The following PDE10A variants were observed in gnomAD, a reference collection of about 807,000 sequenced individuals.
PDE10A encodes phosphodiesterase 10A.
Under a neutral mutation model 97.7 loss-of-function variants are expected in PDE10A, and 39 were observed. The observed-to-expected ratio is 0.40, with a 90% CI of 0.31 to 0.52. The LOEUF (loss-of-function observed/expected upper bound fraction) is 0.52, where lower values mean the gene tolerates loss of function less well. Ranked by LOEUF, PDE10A falls within the 20% of genes least tolerant of loss-of-function variation. The pLI, the probability that PDE10A is intolerant of heterozygous loss-of-function variation, is 0.56. For missense variants in PDE10A, 731 were observed against 1,047.8 expected, an observed-to-expected ratio of 0.70 and a Z score of 4.17; for synonymous variants, 371 against 376.8, an observed-to-expected ratio of 0.98 and a Z score of 0.18.
intron 1 of PDE10A, among the ~76,000 whole-genome samples, chr6:165,618,551 A>G (rs758293530): frequency 6.6e-6 from 1 of 152,224 alleles, no homozygotes; most frequent in Non-Finnish European, 1.5e-5. Context: ...GTCACCATCC[A>G]GGAGCGGGAC....
intron 1 of PDE10A, among the ~76,000 whole-genome samples, chr6:165,627,219 G>T (rs1385388642): frequency 6.6e-6 from 1 of 152,208 alleles, no homozygotes; most frequent in African/African-American, 2.4e-5. Context: ...GTCTCACAAT[G>T]TAACATAATC....
intron 1 of PDE10A, among the ~76,000 whole-genome samples, chr6:165,700,283 T>C (rs779426362): frequency 6.6e-6 from 1 of 150,744 alleles, no homozygotes. Flanking sequence ...TGTGTAGGGA[T>C]GAGAGGAAGG....
At chr6:165,942,783 A>G (rs1783575254) in intron 1 of PDE10A, among the ~76,000 whole-genome samples, 1 of 152,172 alleles carries the variant, frequency 6.6e-6, no homozygotes, top group African/African-American at 2.4e-5. Flanking sequence ...AAGGCCCTCC[A>G]GGAGGAAAGC....
At chr6:165,805,860 C>T (rs9347090) in intron 1 of PDE10A, among the ~76,000 whole-genome samples, 64,199 of 151,058 alleles carry the variant, frequency 0.42, 14,396 homozygotes, top group Middle Eastern at 0.53. Flanking sequence ...GCTCTGGCCC[C>T]GTTCCTGGGA....
At chr6:165,856,917 C>G (rs1271763171) in intron 1 of PDE10A, among the ~76,000 whole-genome samples, 3 of 152,150 alleles carry the variant, frequency 2.0e-5, no homozygotes, top group African/African-American at 7.2e-5. Flanking sequence ...TCTGTTAACA[C>G]TCAAAAACTT....
At chr6:165,954,666 T>C (rs1026459463) in intron 1 of PDE10A, among the ~76,000 whole-genome samples, 1 of 152,130 alleles carries the variant, frequency 6.6e-6, no homozygotes, top group African/African-American at 2.4e-5. Context: ...TGCGCCTCAG[T>C]TGCAAGGCGG....
intron 1 of PDE10A, among the ~76,000 whole-genome samples, chr6:165,958,189 G>C (rs957235736): frequency 6.6e-6 from 1 of 152,124 alleles, no homozygotes; most frequent in African/African-American, 2.4e-5. Context: ...CTGTGAGCAG[G>C]ACCTTCTGAG....
chr6:165,680,177 T>C (rs1014126112), intron 1 of PDE10A, among the ~76,000 whole-genome samples: 2 of 152,090 alleles, frequency 1.3e-5, no homozygotes, highest in Non-Finnish European at 2.9e-5. Context: ...GAACTTAACA[T>C]CTAATTGGGA....
chr6:165,423,186 C>T (rs1361018355), intron 10 of PDE10A, among the ~76,000 whole-genome samples: 1 of 152,144 alleles, frequency 6.6e-6, no homozygotes, highest in Non-Finnish European at 1.5e-5. Context: ...GCCCCCATGT[C>T]CGCTAATTAT....
intron 3 of PDE10A, among the ~76,000 whole-genome samples, chr6:165,468,653 T>C (rs534206918): frequency 6.6e-6 from 1 of 152,354 alleles, no homozygotes; most frequent in South Asian, 2.1e-4. Flanking sequence ...ACTATTCTCA[T>C]GGAGTTTAAA....
At chr6:165,773,525 A>G (rs927013032) in intron 1 of PDE10A, among the ~76,000 whole-genome samples, 1 of 152,214 alleles carries the variant, frequency 6.6e-6, no homozygotes, top group African/African-American at 2.4e-5. Context: ...TTCTTTCCAC[A>G]AAACAAATTT....
intron 1 of PDE10A, among the ~76,000 whole-genome samples, chr6:165,956,948 C>T (rs1784151203): frequency 6.6e-6 from 1 of 152,202 alleles, no homozygotes; most frequent in African/African-American, 2.4e-5. Flanking sequence ...GTGGGGCCAG[C>T]CCAGGGGTTG....
At chr6:165,832,693 C>T (rs1473242537) in intron 1 of PDE10A, among the ~76,000 whole-genome samples, 1 of 152,210 alleles carries the variant, frequency 6.6e-6, no homozygotes, top group African/African-American at 2.4e-5. Context: ...GAAACAGGAA[C>T]AAAGTTTTAA....
intron 15 of PDE10A, among the ~76,000 whole-genome samples, chr6:165,393,254 T>C (rs1353689702): frequency 6.6e-6 from 1 of 152,152 alleles, no homozygotes; most frequent in African/African-American, 2.4e-5. Context: ...TTTTCTAGAG[T>C]TACTATACTT....
At chr6:165,572,304 T>A (rs1785086946) in intron 1 of PDE10A, among the ~76,000 whole-genome samples, 1 of 152,180 alleles carries the variant, frequency 6.6e-6, no homozygotes, top group Non-Finnish European at 1.5e-5. Context: ...CTGAAATACA[T>A]CACTTAACAT....
At chr6:165,542,612 CTTTTTTTT>C (rs545149187) in intron 2 of PDE10A, among the ~76,000 whole-genome samples, 18 of 76,452 alleles carry the variant, frequency 2.4e-4, no homozygotes, top group South Asian at 1.3e-3. Context: ...TGTCCTTGTT[CTTTTTTTT>C]TTTTTTTTTT....
intron 1 of PDE10A, among the ~76,000 whole-genome samples, chr6:165,882,133 C>T (rs868176800): frequency 6.6e-6 from 1 of 152,164 alleles, no homozygotes; most frequent in African/African-American, 2.4e-5. Flanking sequence ...AACTGAAATA[C>T]GTGGCAGATT....
chr6:165,727,008 G>A (rs1011877443), intron 1 of PDE10A, among the ~76,000 whole-genome samples: 2 of 152,158 alleles, frequency 1.3e-5, no homozygotes, highest in African/African-American at 4.8e-5. Flanking sequence ...CCCTCCTCGC[G>A]TGGGGGGTTC....
Position 165,662,375 on chromosome 6 carries a change from T to C in PDE10A, c.437A>G (p.Glu146Gly), listed in dbSNP as rs1583744404. 3 of 150,280 alleles carry C rather than the reference T, an allele frequency of 2.0e-5. No individual in the cohort carries two copies. The highest frequency in any genetic ancestry group is 3.4e-3 in the Middle Eastern group (1 of 298). 9.3% of individuals were successfully genotyped at this position (150,280 alleles called of 1,614,324 possible). A position where few individuals can be genotyped will look rare whatever the true frequency, so the allele number is the denominator to read the frequency against. Residue 146 changes from glutamate (E) to glycine (G), a missense_variant, in exon 1 of 22, where the codon GAG becomes GGG. Physicochemically the swap from Glu to Gly is moderately conservative, Grantham distance 98 (BLOSUM62 -2). This residue lies in a region of PDE10A where 181 missense variants were observed against 159.1 expected (regional missense o/e 1.14). Coordinates refer to ENST00000539869, the MANE Select transcript of PDE10A (RefSeq NM_001385079.1). ...CGCCGCCGCCGCCGCCGCTGCGCCCTCCCTTCCTGGGAGACGCACGGGGAG... is the reference window on the plus strand; with the variant it reads ...CGCCGCCGCCGCCGCCGCTGCGCCCCCCCTTCCTGGGAGACGCACGGGGAG... Reference protein sequence around the residue: ...FHLPVRLPGREGAAAAAAAGG... With the variant: ...FHLPVRLPGRGGAAAAAAAGG...
Sources: gnomAD v4.1 joint callset for allele counts (sites outside exome capture counted in the v4.1 genomes callset) on GRCh38, gnomAD v4.1.1 for gene constraint, gnomAD v4.1.1 regional missense constraint, MANE v1.5 for transcripts, NCBI Gene and HGNC (gene_info 2026-07-23, HGNC 2026-07-21) for gene names.